RAD51B: variants seen among roughly 807,000 people sequenced by gnomAD.
The protein encoded by RAD51B is DNA repair protein RAD51 homolog 2.
RAD51B carries 38 observed loss-of-function variants against 42.2 expected under a neutral mutation model. The observed-to-expected ratio is 0.90, with a 90% CI of 0.70 to 1.18. The LOEUF is 1.18. Among genes scored for constraint, RAD51B ranks in the 50% most tolerant of loss-of-function variants. RAD51B has a pLI of 0.00. For synonymous variants in RAD51B, 154 were observed against 145.2 expected, an observed-to-expected ratio of 1.06 and a Z score of -0.43; for missense variants, 373 against 400.7, an observed-to-expected ratio of 0.93 and a Z score of 0.59.
At chr14:67,966,913 A>G (rs1237035917) in intron 7 of RAD51B, among the ~76,000 whole-genome samples, 2 of 152,188 alleles carry the variant, frequency 1.3e-5, no homozygotes, top group Non-Finnish European at 2.9e-5. Flanking sequence ...GCAATCTGAT[A>G]TGGACAATTA....
chr14:68,624,451 C>T (rs529269763), intron 10 of RAD51B, among the ~76,000 whole-genome samples: 1 of 152,132 alleles, frequency 6.6e-6, no homozygotes, highest in Non-Finnish European at 1.5e-5. Context: ...CCTAGCACTT[C>T]CGGGCCCTCG....
chr14:68,368,375 C>G (rs1193781507), intron 8 of RAD51B, among the ~76,000 whole-genome samples: 2 of 152,190 alleles, frequency 1.3e-5, no homozygotes, highest in Non-Finnish European at 2.9e-5. Flanking sequence ...AGTCTTCAAG[C>G]TAATGTTCAC....
At chr14:68,437,767 T>C (rs1287871866) in intron 9 of RAD51B, among the ~76,000 whole-genome samples, 2 of 152,100 alleles carry the variant, frequency 1.3e-5, no homozygotes, top group Non-Finnish European at 2.9e-5. Flanking sequence ...TAAGAAGGAA[T>C]TGAAGGAATT....
intron 11 of RAD51B, among the ~76,000 whole-genome samples, chr14:68,667,628 C>G (rs1050738847): frequency 2.0e-5 from 3 of 152,218 alleles, no homozygotes; most frequent in Non-Finnish European, 4.4e-5. Flanking sequence ...CAGGCCAACA[C>G]TAAGGTAGAC....
intron 8 of RAD51B, among the ~76,000 whole-genome samples, chr14:68,311,132 C>T (rs1297855704): frequency 6.6e-6 from 1 of 152,130 alleles, no homozygotes; most frequent in Non-Finnish European, 1.5e-5. Flanking sequence ...TAATAGACTA[C>T]CCCTAGGCAA....
intron 7 of RAD51B, among the ~76,000 whole-genome samples, chr14:68,061,141 T>C (rs999404022): frequency 1.4e-5 from 2 of 147,458 alleles, no homozygotes; most frequent in East Asian, 2.0e-4. Context: ...CAATCTTGGC[T>C]CACTGCAACC....
chr14:68,007,342 T>C (rs918311391), intron 7 of RAD51B, among the ~76,000 whole-genome samples: 1 of 152,122 alleles, frequency 6.6e-6, no homozygotes, highest in East Asian at 1.9e-4. Flanking sequence ...TACGTTTTGT[T>C]TGGACATGTG....
chr14:68,278,465 C>A (rs1193873985), intron 7 of RAD51B, among the ~76,000 whole-genome samples: 1 of 152,136 alleles, frequency 6.6e-6, no homozygotes, highest in Non-Finnish European at 1.5e-5. Flanking sequence ...AGGCACTGAA[C>A]ATGGTGTTTG....
At chr14:68,142,475 T>C (rs1433946415) in intron 7 of RAD51B, among the ~76,000 whole-genome samples, 4 of 152,210 alleles carry the variant, frequency 2.6e-5, no homozygotes, top group African/African-American at 4.8e-5. Flanking sequence ...TTTCTTTCTT[T>C]CAAATGAAAA....
intron 2 of RAD51B, among the ~76,000 whole-genome samples, chr14:67,824,669 C>T (rs1286123567): frequency 6.6e-6 from 1 of 151,994 alleles, no homozygotes; most frequent in Non-Finnish European, 1.5e-5. Context: ...TAATTATTTG[C>T]ATATTTATAC....
exon 11 of RAD51B, chr14:68,611,560 A>T (rs1891682980): frequency 4.6e-6 from 2 of 431,432 alleles, no homozygotes; most frequent in African/African-American, 3.9e-5. Context: ...TGCAGCTCCT[A>T]GGAGGAAAGG....
chr14:68,290,744 C>T (rs942822481), intron 7 of RAD51B, among the ~76,000 whole-genome samples: 65 of 152,040 alleles, frequency 4.3e-4, no homozygotes, highest in African/African-American at 1.5e-3. Flanking sequence ...TGACTTTTAA[C>T]GATAACAAGC....
At chr14:68,540,392 T>A in intron 10 of RAD51B, 2 of 1,054,318 alleles carry the variant, frequency 1.9e-6, no homozygotes, top group South Asian at 9.1e-5. Context: ...CTGAAAGTCA[T>A]TACATATGAC....
chr14:67,916,938 G>T (rs2044170615), intron 7 of RAD51B, among the ~76,000 whole-genome samples: 1 of 152,182 alleles, frequency 6.6e-6, no homozygotes, highest in East Asian at 1.9e-4. Context: ...AATAATAATT[G>T]CTGTAAGCAG....
At chr14:68,633,115 C>T (rs149192175) in intron 10 of RAD51B, among the ~76,000 whole-genome samples, 13 of 151,548 alleles carry the variant, frequency 8.6e-5, no homozygotes, top group African/African-American at 3.1e-4. Context: ...GCATGAGCCA[C>T]CACACCCAGC....
At chr14:67,880,346 A>G (rs2042866028) in intron 5 of RAD51B, among the ~76,000 whole-genome samples, 1 of 152,206 alleles carries the variant, frequency 6.6e-6, no homozygotes, top group Admixed American at 6.5e-5. Context: ...TTATCTATCA[A>G]TCATTCTTTC....
chr14:67,965,207 C>T (rs146241682), intron 7 of RAD51B, among the ~76,000 whole-genome samples: 99 of 152,264 alleles, frequency 6.5e-4, no homozygotes, highest in African/African-American at 2.2e-3. Context: ...CATTAGTGGC[C>T]TCTCCATCCT....
intron 7 of RAD51B, among the ~76,000 whole-genome samples, chr14:68,234,445 T>C (rs1458789225): frequency 6.6e-6 from 1 of 152,220 alleles, no homozygotes; most frequent in Non-Finnish European, 1.5e-5. Context: ...TATTAGGTGA[T>C]TTCAACATTA....
At chr14:68,616,829 T>G (rs1294645583) in intron 10 of RAD51B, among the ~76,000 whole-genome samples, 6 of 152,126 alleles carry the variant, frequency 3.9e-5, no homozygotes, top group Non-Finnish European at 7.3e-5. Flanking sequence ...TTTTGGATAG[T>G]TCCTATTGCT....
Sources: allele counts gnomAD v4.1 joint callset (sites outside exome capture counted in the v4.1 genomes callset), GRCh38; gene constraint gnomAD v4.1.1; transcripts MANE v1.5; gene names NCBI Gene and HGNC (gene_info 2026-07-23, HGNC 2026-07-21).